The following ACAP1 variants were observed in gnomAD, a reference collection of about 807,000 sequenced individuals.
The protein encoded by ACAP1 is ArfGAP with coiled-coil, ankyrin repeat and PH domains 1, also known as arf-GAP with coiled-coil, ANK repeat and PH domain-containing protein 1.
A neutral mutation model predicts 98.8 loss-of-function variants in ACAP1; 45 were observed. The observed-to-expected ratio is 0.46, with a 90% CI of 0.36 to 0.58. ACAP1 has a LOEUF of 0.58. ACAP1 is among the 20% of genes least tolerant of loss of function. The pLI, the probability that ACAP1 is intolerant of heterozygous loss-of-function variation, is 0.00. For missense variants in ACAP1, 735 were observed against 971.4 expected, an observed-to-expected ratio of 0.76 and a Z score of 3.24; for synonymous variants, 362 against 375.3, an observed-to-expected ratio of 0.96 and a Z score of 0.41.
chr17:7,344,547 T>C lies in ACAP1; in HGVS notation c.753T>C (p.Gly251=). ...TCCTCTTGTGCCTCCAGGAGCTGGG[T>C]GGGGAGGAGCCAGAACCAAGCTTAA... The part of the protein sequence containing the change: ...RHVLLKQKEL[G]GEEPEPSLRE... The change falls in exon 10 of 22, where the codon GGT becomes GGC. Residue 251 remains glycine, a synonymous_variant. Transcript: ENST00000158762. This position sits in a 1 kb window ranked among gnomAD's most constrained non-coding sequence, Gnocchi z 4.9. 2 of 1,550,906 alleles carry C rather than the reference T, an allele frequency of 1.3e-6. No homozygotes were observed. The highest frequency in any genetic ancestry group is 1.7e-6 in the Non-Finnish European group (2 of 1,146,890).
Position 7,346,831 on chromosome 17 carries a change from C to T in ACAP1, c.1031C>T (p.Ser344Leu), listed in dbSNP as rs2073350938. The part of the protein sequence containing the change: ...TSKSCLLQAD[S>L]ERLLQLWVSA... ...AGGTCCTGCCTCCTCCAGGCTGACT[C>T]AGAGCGCCTCCTGCAGCTGTGGGTC... Residue 344 changes from serine (S) to leucine (L), a missense_variant, in exon 13 of 22, where the codon TCA (serine) becomes TTA (leucine). Ser to Leu is a moderately radical substitution (Grantham distance 145, BLOSUM62 -2). Around this residue, in one of 5 missense-constraint regions of ACAP1, gnomAD observed 430 missense variants for 531.8 expected, o/e 0.81. Transcript: ENST00000158762. 6.2e-7 allele frequency: 1 copy of T among 1,613,216 alleles called. No homozygotes were observed. The highest frequency in any genetic ancestry group is 8.5e-7 in the Non-Finnish European group (1 of 1,179,300).
intron 2 of ACAP1, among the ~76,000 whole-genome samples, chr17:7,340,076 C>G (rs180923260): frequency 8.5e-5 from 13 of 152,132 alleles, no homozygotes; most frequent in African/African-American, 3.1e-4. Context: ...GCCTGGGCAA[C>G]ATAGCAAGAC....
At position 7,347,214 on chromosome 17, in the gene ACAP1, C is replaced by T; in HGVS notation, c.1315C>T (p.Leu439Phe). Residue 439 changes from leucine (L) to phenylalanine (F), a missense_variant, in exon 14 of 22, where the codon CTC becomes TTC. Transcript: ENST00000158762. Reference sequence around the variant, plus strand: ...GGCCAGCATCAACCTTGGTGTCACCCTCTGCATTCAGTGTTCCGGCATCCA... The same window carrying T: ...GGCCAGCATCAACCTTGGTGTCACCTTCTGCATTCAGTGTTCCGGCATCCA... The part of the protein sequence containing the change: ...EWASINLGVT[L>F]CIQCSGIHRS... 3 of 1,613,628 alleles carry T rather than the reference C, an allele frequency of 1.9e-6. No homozygotes were observed. Among genetic ancestry groups the T allele is most frequent in the Middle Eastern group, 1.7e-4 (1 of 6,060 alleles).
intron 21 of ACAP1, 113 bp downstream of exon 21, chr17:7,351,112 A>G: frequency 8.1e-7 from 1 of 1,227,184 alleles, no homozygotes. Flanking sequence ...TATTTAACAA[A>G]TGCGTATTGG....
chr17:7,343,654 T>C lies in ACAP1; in HGVS notation c.529-52T>C. 1 of 1,601,446 alleles carries C rather than the reference T, an allele frequency of 6.2e-7. No homozygotes were observed. Among genetic ancestry groups the C allele is most frequent in the Non-Finnish European group, 8.5e-7 (1 of 1,171,858 alleles). On this transcript the variant is annotated intron_variant, in intron 6 of 21. Coordinates refer to ENST00000158762, the MANE Select transcript of ACAP1 (RefSeq NM_014716.4). This position sits in a 1 kb window ranked among gnomAD's most constrained non-coding sequence, Gnocchi z 4.9. ...TCCAGTGTGCAGTGGGAAGGGGTGCTGTGTCTTCAAGACTGATCTGGGGTT... is the reference window on the plus strand; with the variant it reads ...TCCAGTGTGCAGTGGGAAGGGGTGCCGTGTCTTCAAGACTGATCTGGGGTT...
chr17:7,344,131 G>T lies in ACAP1; in HGVS notation c.744+8G>T. ...GTGCTGCTGAAACAGAAGGTGAGGGGCCAGGTGCGGTGGCCCACGACCGTC... is the reference window on the plus strand; with the variant it reads ...GTGCTGCTGAAACAGAAGGTGAGGGTCCAGGTGCGGTGGCCCACGACCGTC... On this transcript the variant is annotated splice_region_variant and intron_variant, in intron 9 of 21. Transcript: ENST00000158762. The surrounding 1 kb of genome is among the most constrained non-coding windows in gnomAD (Gnocchi z 4.9). The T allele has an allele frequency of 6.4e-7, 1 of 1,563,774 alleles. No homozygotes were observed. The highest frequency in any genetic ancestry group is 1.9e-5 in the Admixed American group (1 of 52,732).
chr17:7,342,422 C>A lies in ACAP1; in HGVS notation c.292C>A (p.Leu98Ile). The part of the protein sequence containing the change: ...NHKLDSHAEL[L>I]DATQHTLQQQ... ...CAACTTCTCCTTCCCTCAGGAGCTT[C>A]TAGATGCCACCCAACACACACTGCA... The change falls in exon 5 of 22, where the codon CTA (leucine) becomes ATA (isoleucine). Residue 98 changes from leucine (L) to isoleucine (I), a missense_variant. This residue lies in a region of ACAP1 where 430 missense variants were observed against 531.8 expected (regional missense o/e 0.81). Coordinates refer to ENST00000158762, the MANE Select transcript of ACAP1 (RefSeq NM_014716.4). 6.2e-7 allele frequency: 1 copy of A among 1,614,170 alleles called. No individual in the cohort carries two copies. Among genetic ancestry groups the A allele is most frequent in the Non-Finnish European group, 8.5e-7 (1 of 1,180,032 alleles).
chr17:7,345,180 A>G (rs1470359759), intron 10 of ACAP1, among the ~76,000 whole-genome samples: 1 of 152,060 alleles, frequency 6.6e-6, no homozygotes, highest in Non-Finnish European at 1.5e-5. Flanking sequence ...GGGAGCCGCT[A>G]TAGGGTTTGG....
At chr17:7,337,458 C>T in intron 2 of ACAP1, 89 bp downstream of exon 2, 2 of 1,214,958 alleles carry the variant, frequency 1.6e-6, no homozygotes, top group Non-Finnish European at 2.4e-6. Flanking sequence ...GAATGCATCC[C>T]AGGGATTATT....
intron 3 of ACAP1, 92 bp downstream of exon 3, chr17:7,342,159 C>A: frequency 6.2e-7 from 1 of 1,608,214 alleles, no homozygotes; most frequent in South Asian, 1.1e-5. Context: ...TCTGCAGGTT[C>A]CAGGCCACAG....
chr17:7,350,739 T>TA lies in ACAP1; in HGVS notation c.2073-210dup. On this transcript the variant is annotated intron_variant, in intron 20 of 21. Transcript: ENST00000158762. This position sits in a 1 kb window ranked among gnomAD's most constrained non-coding sequence, Gnocchi z 4.6. ...TTCTCCTGTCTCAGCCTCCCCTGAG[T>TA]AGCTGGGACTACAGGCGTGCGCCAC... 1 of 522,910 alleles carries TA rather than the reference T, an allele frequency of 1.9e-6. No homozygotes were observed. The highest frequency in any genetic ancestry group is 3.5e-6 in the Non-Finnish European group (1 of 289,594). 32.4% of individuals were successfully genotyped at this position (522,910 alleles called of 1,614,324 possible). A position where few individuals can be genotyped will look rare whatever the true frequency, so the allele number is the denominator to read the frequency against.
rs1357903313 is a variant in ACAP1 at position 7,343,923 on chromosome 17, G to A, written c.636G>A (p.Arg212=). ...AGCAGGGCCATGAGGAGCTGAGCCG[G>A]CTGTCCCAGTATCGAAAGGAGCTGG... is the stretch of plus-strand genomic sequence containing the variant. ...HFQQGHEELS[R]LSQYRKELGA... Residue 212 remains arginine (R), a synonymous_variant, in exon 8 of 22, where the codon CGG becomes CGA. Coordinates refer to ENST00000158762, the MANE Select transcript of ACAP1 (RefSeq NM_014716.4). This position sits in a 1 kb window ranked among gnomAD's most constrained non-coding sequence, Gnocchi z 4.9. The A allele has an allele frequency of 1.9e-6, 3 of 1,605,238 alleles. No homozygotes were observed. Among genetic ancestry groups the A allele is most frequent in the African/African-American group, 2.7e-5 (2 of 74,694 alleles).
Position 7,350,597 on chromosome 17 carries a change from G to C in ACAP1, c.2073-353G>C, listed in dbSNP as rs2073396665. 2.4e-6 allele frequency: 1 copy of C among 423,584 alleles called. No homozygotes were observed. The highest frequency in any genetic ancestry group is 4.2e-6 in the Non-Finnish European group (1 of 236,738). The allele number at this position is 423,584 out of a possible 1,614,324, so 26.2% of individuals were successfully genotyped here. On this transcript the variant is annotated intron_variant, in intron 20 of 21. Coordinates refer to ENST00000158762, the MANE Select transcript of ACAP1 (RefSeq NM_014716.4). This position sits in a 1 kb window ranked among gnomAD's most constrained non-coding sequence, Gnocchi z 4.6. ...GCTCAAAGGATGGGAAGTTGTGGGG[G>C]AGGTGAGGATAGTCTTTTTTTTTTT...
intron 2 of ACAP1, 28 bp from the exon 3 acceptor site, chr17:7,341,920 G>C: frequency 6.2e-7 from 1 of 1,613,314 alleles, no homozygotes. Flanking sequence ...TGATGGCACA[G>C]CTCCCTGTTA....
Position 7,337,296 on chromosome 17 carries a change from A to G in ACAP1, c.54-16A>G, listed in dbSNP as rs763369966. 1.2e-6 allele frequency: 2 copies of G among 1,612,384 alleles called. No homozygotes were observed. The highest frequency in any genetic ancestry group is 2.7e-5 in the African/African-American group (2 of 74,514). On this transcript the variant is annotated splice_polypyrimidine_tract_variant and intron_variant, in intron 1 of 21. Coordinates refer to ENST00000158762, the MANE Select transcript of ACAP1 (RefSeq NM_014716.4). ...GATGGACCCAAGCTCTCTTCCCATGACCCCCTCTTTCCCAGAGCCTCTATT... is the reference window on the plus strand; with the variant it reads ...GATGGACCCAAGCTCTCTTCCCATGGCCCCCTCTTTCCCAGAGCCTCTATT...
Position 7,343,963 on chromosome 17 carries a change from C to A in ACAP1, c.669+7C>A. 3.2e-6 allele frequency: 5 copies of A among 1,582,314 alleles called. No individual in the cohort carries two copies. The highest frequency in any genetic ancestry group is 3.4e-6 in the Non-Finnish European group (4 of 1,163,590). ...AAAGGAGCTGGGCGCCCAGGTGGGG[C>A]CCCAGGGCACAGCAGGTGGTAGAGG... On this transcript the variant is annotated splice_region_variant and intron_variant, in intron 8 of 21. Coordinates refer to ENST00000158762, the MANE Select transcript of ACAP1 (RefSeq NM_014716.4). This position sits in a 1 kb window ranked among gnomAD's most constrained non-coding sequence, Gnocchi z 4.9.
At position 7,343,245 on chromosome 17, in the gene ACAP1, TC is replaced by T; in HGVS notation, c.345-132del. Reference sequence around the variant, plus strand: ...ATTGGGGGTTTCTGGTGTCCTGACTTCCGTCCCAGGGATCACCTTGGGTTTC... The same window carrying T: ...ATTGGGGGTTTCTGGTGTCCTGACTTCGTCCCAGGGATCACCTTGGGTTTC... On this transcript the variant is annotated intron_variant, in intron 5 of 21. Transcript: ENST00000158762. The surrounding 1 kb of genome is among the most constrained non-coding windows in gnomAD (Gnocchi z 4.9). 1 of 921,754 alleles carries T rather than the reference TC, an allele frequency of 1.1e-6. No homozygotes were observed. Among genetic ancestry groups the T allele is most frequent in the Non-Finnish European group, 1.6e-6 (1 of 614,688 alleles). 57.1% of individuals were successfully genotyped at this position (921,754 alleles called of 1,614,324 possible). A position where few individuals can be genotyped will look rare whatever the true frequency, so the allele number is the denominator to read the frequency against.
At position 7,342,052 on chromosome 17, in the gene ACAP1, A is replaced by G. The variant is rs4796407; in HGVS notation, c.216A>G (p.Pro72=). Residue 72 remains proline (P), a synonymous_variant, in exon 3 of 22, where the codon CCA becomes CCG. Transcript: ENST00000158762. ...GTGACCTGGCCCGCCTGGGTCCACC[A>G]GAGCCCATGATGGCGGTATGCGGAG... is the stretch of plus-strand genomic sequence containing the variant. ...GICDLARLGP[P]EPMMAECLEK... 657,721 of 1,613,650 alleles carry G rather than the reference A, an allele frequency of 0.41. 138,693 individuals carry two copies. Among genetic ancestry groups the G allele is most frequent in the Non-Finnish European group, 0.43 (506,918 of 1,179,892 alleles).
intron 2 of ACAP1, 90 bp from the exon 3 acceptor site, chr17:7,341,858 G>A: frequency 6.3e-7 from 1 of 1,578,272 alleles, no homozygotes; most frequent in Non-Finnish European, 8.6e-7. Flanking sequence ...CGCCGCCCTG[G>A]GCAAGGGGAG....
Sources: gnomAD v4.1 joint callset for allele counts (sites outside exome capture counted in the v4.1 genomes callset) on GRCh38, gnomAD v4.1.1 for gene constraint, gnomAD v4.1.1 regional missense constraint, Gnocchi (gnomAD v3.1) non-coding constraint, MANE v1.5 for transcripts, NCBI Gene and HGNC (gene_info 2026-07-23, HGNC 2026-07-21) for gene names.